PYGO1: variants seen among roughly 807,000 people sequenced by gnomAD.
PYGO1 encodes the protein pygopus homolog 1.
Under a neutral mutation model 29.5 loss-of-function variants are expected in PYGO1, and 6 were observed. That is an observed-to-expected ratio of 0.20 (90% confidence interval 0.11 to 0.40). PYGO1 has a LOEUF of 0.40. PYGO1 is among the 10% of genes least tolerant of loss of function. The probability of loss-of-function intolerance (pLI) is 1.00; values close to 1 mark genes in which losing one functional copy is unlikely to be tolerated. For synonymous variants in PYGO1, 186 were observed against 180.5 expected (o/e 1.03, Z -0.24); for missense variants, 515 against 514.9 (o/e 1.00, Z 0.00).
intron 1 of PYGO1, among the ~76,000 whole-genome samples, chr15:55,581,338 C>A (rs1418145995): frequency 1.3e-5 from 2 of 152,106 alleles, no homozygotes; most frequent in Admixed American, 1.3e-4. Context: ...GTGAATACTG[C>A]AGAACTGGAG....
intron 1 of PYGO1, among the ~76,000 whole-genome samples, chr15:55,549,431 T>C (rs886617386): frequency 7.2e-5 from 11 of 152,212 alleles, no homozygotes; most frequent in Non-Finnish European, 1.5e-4. Flanking sequence ...GATCATTCCA[T>C]ATCACTCTAT....
rs1231978457 is a variant in PYGO1, at chr15:55,588,339, C to G, written c.-456G>C. Among the ~76,000 whole-genome samples, 1 of 148,638 alleles carries G rather than the reference C, an allele frequency of 6.7e-6. No individual in the cohort carries two copies. Among genetic ancestry groups the G allele is most frequent in the Non-Finnish European group, 1.5e-5 (1 of 66,654 alleles). On this transcript the variant is annotated 5_prime_UTR_variant, in exon 1 of 3. Coordinates refer to ENST00000563719, the MANE Select transcript of PYGO1 (RefSeq NM_001367806.1). The stretch of plus-strand genomic sequence containing the variant: ...CTGCTCTCTCGCCGCTCCCGAGTCG[C>G]AGACACAAAAGCCCCCAGACTGGAG...
intron 1 of PYGO1, among the ~76,000 whole-genome samples, chr15:55,568,474 T>A (rs1167872259): frequency 2.0e-5 from 3 of 152,102 alleles, no homozygotes; most frequent in Non-Finnish European, 4.4e-5. Flanking sequence ...CTTGCTAAAA[T>A]TGTTTATAAA....
chr15:55,584,133 G>A (rs1438580856), intron 1 of PYGO1, among the ~76,000 whole-genome samples: 1 of 143,738 alleles, frequency 7.0e-6, no homozygotes, highest in Non-Finnish European at 1.5e-5. Flanking sequence ...TTTGGTGGGG[G>A]CAGATAGGGT....
intron 1 of PYGO1, among the ~76,000 whole-genome samples, chr15:55,568,704 C>G (rs1379565741): frequency 6.6e-6 from 1 of 152,084 alleles, no homozygotes; most frequent in Non-Finnish European, 1.5e-5. Flanking sequence ...TCTGCCTATA[C>G]AGTATGATGC....
At chr15:55,565,019 G>A (rs2058949153) in intron 1 of PYGO1, among the ~76,000 whole-genome samples, 1 of 152,128 alleles carries the variant, frequency 6.6e-6, no homozygotes. Context: ...TGCTTTCAAT[G>A]TGTATCAACT....
In PYGO1 at chr15:55,557,483, A is replaced by G. The variant is rs547206942; in HGVS notation, c.50-8488T>C. Among the ~76,000 whole-genome samples, 4 of 152,304 alleles carry G rather than the reference A, an allele frequency of 2.6e-5. No homozygotes were observed. The East Asian group carries it at 5.8e-4, about 22-fold the overall frequency. ...ATAGAAAAAGAGGGAATCCTCCCCA[A>G]CTCATTTTACCGGGCCAGCATCATC... On this transcript the variant is annotated intron_variant, in intron 1 of 2. Coordinates refer to ENST00000563719, the MANE Select transcript of PYGO1 (RefSeq NM_001367806.1).
upstream of PYGO1, among the ~76,000 whole-genome samples, chr15:55,588,588 C>T (rs1271935031): frequency 6.8e-6 from 1 of 148,074 alleles, no homozygotes; most frequent in African/African-American, 2.4e-5. Context: ...CGCGGGCCCG[C>T]GGCTCTTGCA....
intron 1 of PYGO1, among the ~76,000 whole-genome samples, chr15:55,584,597 A>G (rs770944575): frequency 4.6e-5 from 7 of 152,228 alleles, no homozygotes; most frequent in Non-Finnish European, 8.8e-5. Context: ...AAGGGCAAGT[A>G]AAAGTAGTAT....
chr15:55,563,405 C>T (rs1188366892), intron 1 of PYGO1, among the ~76,000 whole-genome samples: 5 of 136,868 alleles, frequency 3.7e-5, no homozygotes, highest in African/African-American at 5.5e-5. Context: ...CTTGCTCTGT[C>T]GCCCAGGCTG....
chr15:55,548,283 G>A (rs1448477672), intron 2 of PYGO1, among the ~76,000 whole-genome samples: 1 of 151,860 alleles, frequency 6.6e-6, no homozygotes, highest in Non-Finnish European at 1.5e-5. Flanking sequence ...GCCTCCCAAA[G>A]GGCTGGGATT....
chr15:55,568,930 G>C (rs1235053187), intron 1 of PYGO1, among the ~76,000 whole-genome samples: 2 of 152,102 alleles, frequency 1.3e-5, no homozygotes, highest in Non-Finnish European at 2.9e-5. Flanking sequence ...TTGCACCCCA[G>C]GACTGAAACC....
chr15:55,548,850 C>A, intron 2 of PYGO1, 60 bp downstream of exon 2: 1 of 1,361,648 alleles, frequency 7.3e-7, no homozygotes, highest in Non-Finnish European at 1.0e-6. Flanking sequence ...TTCAAATTTA[C>A]CTCATCAGCC....
At position 55,545,923 on chromosome 15, in the gene PYGO1, G is replaced by C. The variant is rs1328100044; in HGVS notation, c.*100C>G. 6.3e-6 allele frequency: 8 copies of C among 1,269,298 alleles called. No homozygotes were observed. In the Admixed American group the frequency reaches 1.2e-4, roughly 19 times the overall value. The allele number at this position is 1,269,298 out of a possible 1,614,324, so 78.6% of individuals were successfully genotyped here. On this transcript the variant is annotated 3_prime_UTR_variant, in exon 3 of 3. Transcript: ENST00000563719. ...TAAAAACTAAGTAAATAATGTTTTTGTGTATGCATTTAAAAAAATAATGTA... is the reference window on the plus strand; with the variant it reads ...TAAAAACTAAGTAAATAATGTTTTTCTGTATGCATTTAAAAAAATAATGTA...
At position 55,560,107 on chromosome 15, in the gene PYGO1, C is replaced by G. The variant is rs561024511; in HGVS notation, c.50-11112G>C. On this transcript the variant is annotated intron_variant, in intron 1 of 2. Transcript: ENST00000563719. The stretch of plus-strand genomic sequence containing the variant: ...GAATGGGCAAAAGCTGGAAGCATTC[C>G]CCTTGAAAACTGGCAAAAGACAAGG... Among the ~76,000 whole-genome samples the G allele has an allele frequency of 2.4e-4, 37 of 152,132 alleles. 1 individual carries two copies. In the South Asian group the frequency reaches 7.7e-3, roughly 32 times the overall value.
At chr15:55,577,800 C>G (rs1447115345) in intron 1 of PYGO1, among the ~76,000 whole-genome samples, 7 of 137,056 alleles carry the variant, frequency 5.1e-5, no homozygotes, top group Non-Finnish European at 9.1e-5. Flanking sequence ...GAGTCTCGCT[C>G]TATCACCCAG....
At chr15:55,584,934 C>T (rs767434056) in intron 1 of PYGO1, among the ~76,000 whole-genome samples, 1 of 152,166 alleles carries the variant, frequency 6.6e-6, no homozygotes, top group Non-Finnish European at 1.5e-5. Flanking sequence ...CTTCAGTATG[C>T]ATAAGGAGCA....
At chr15:55,585,762 T>C (rs1383525312) in intron 1 of PYGO1, among the ~76,000 whole-genome samples, 1 of 152,206 alleles carries the variant, frequency 6.6e-6, no homozygotes, top group Non-Finnish European at 1.5e-5. Flanking sequence ...TTAGGACTGA[T>C]AATTCAGTTC....
Position 55,546,644 on chromosome 15 carries a change from A to T in PYGO1, c.639T>A (p.Thr213=). 1 of 1,614,110 alleles carries T rather than the reference A, an allele frequency of 6.2e-7. No individual in the cohort carries two copies. Among genetic ancestry groups the T allele is most frequent in the Non-Finnish European group, 8.5e-7 (1 of 1,180,016 alleles). The change falls in exon 3 of 3, where the codon ACT becomes ACA. Residue 213 remains threonine (T), a synonymous_variant. Transcript: ENST00000563719. ...AAGAATGATTAGATTCTAACGGAGAAGTAAAATTTGAATTATTTCCAGGAA... is the reference window on the plus strand; with the variant it reads ...AAGAATGATTAGATTCTAACGGAGATGTAAAATTTGAATTATTTCCAGGAA... ...NFVPGNNSNF[T]SPLESNHSFI...
Sources: allele counts gnomAD v4.1 joint callset (sites outside exome capture counted in the v4.1 genomes callset), GRCh38; gene constraint gnomAD v4.1.1; transcripts MANE v1.5; gene names NCBI Gene and HGNC (gene_info 2026-07-23, HGNC 2026-07-21).